Variants in NHEJ1 observed in about 807,000 individuals in gnomAD.
NHEJ1 encodes non-homologous end-joining factor 1.
NHEJ1 carries 22 observed loss-of-function variants against 39.4 expected under a neutral mutation model. The ratio of observed to expected loss-of-function variants is 0.56; its 90% CI spans 0.40 to 0.80. The LOEUF (loss-of-function observed/expected upper bound fraction) is 0.80, where lower values mean the gene tolerates loss of function less well. NHEJ1 is among the 30% of genes least tolerant of loss of function. NHEJ1 has a pLI of 0.00. For synonymous variants in NHEJ1, 154 were observed against 135.6 expected (o/e 1.14, Z -0.94); for missense variants, 329 against 357.1 (o/e 0.92, Z 0.63).
At chr2:219,157,420 T>C (rs1661483374) in intron 3 of NHEJ1, 52 bp downstream of exon 3, 4 of 1,515,438 alleles carry the variant, frequency 2.6e-6, no homozygotes, top group Non-Finnish European at 3.7e-6. Flanking sequence ...TAAAGCTTCC[T>C]CTCAAAGCAA....
Position 219,111,204 on chromosome 2 carries a change from T to C in NHEJ1, c.589-32998A>G, listed in dbSNP as rs1949362458. Among the ~76,000 whole-genome samples, 1 of 152,310 alleles carries C rather than the reference T, an allele frequency of 6.6e-6. No individual in the cohort carries two copies. The highest frequency in any genetic ancestry group is 1.5e-5 in the Non-Finnish European group (1 of 68,018). ...TCGTGATACCCAGACCAATGCTCTA[T>C]TATTCATAAAAGCATAGACTACTAA... is the stretch of plus-strand genomic sequence containing the variant. On this transcript the variant is annotated intron_variant, in intron 5 of 7. Transcript: ENST00000356853. The surrounding 1 kb of genome is among the most constrained non-coding windows in gnomAD (Gnocchi z 4.1).
chr2:219,100,060 C>T (rs909379197), intron 5 of NHEJ1, among the ~76,000 whole-genome samples: 1 of 151,926 alleles, frequency 6.6e-6, no homozygotes, highest in Non-Finnish European at 1.5e-5. Context: ...AGGAAGCCTT[C>T]GGTTATTATG....
At chr2:219,121,097 G>A (rs1319372384) in intron 5 of NHEJ1, among the ~76,000 whole-genome samples, 5 of 151,934 alleles carry the variant, frequency 3.3e-5, no homozygotes, top group African/African-American at 9.7e-5. Flanking sequence ...TCCCAGCTAC[G>A]TGGGAGGCTA....
chr2:219,128,992 A>G (rs893757365), intron 5 of NHEJ1, among the ~76,000 whole-genome samples: 1 of 152,220 alleles, frequency 6.6e-6, no homozygotes, highest in African/African-American at 2.4e-5. Context: ...CCTTCCCTAG[A>G]GTTGTAGGTA....
At position 219,083,257 on chromosome 2, in the gene NHEJ1, C is replaced by T. The variant is rs78688308; in HGVS notation, c.589-5051G>A. On this transcript the variant is annotated intron_variant, in intron 5 of 7. Transcript: ENST00000356853. ...TATACTCTGTGAAATGGTACTATTA[C>T]CATCCAAATGAAATCCCTAAATCAA... Among the ~76,000 whole-genome samples, 141 of 152,178 alleles carry T rather than the reference C, an allele frequency of 9.3e-4. 1 individual carries two copies. The East Asian group carries it at 0.025, about 27-fold the overall frequency.
At chr2:219,143,852 C>T (rs753396708) in intron 5 of NHEJ1, among the ~76,000 whole-genome samples, 1 of 152,168 alleles carries the variant, frequency 6.6e-6, no homozygotes, top group African/African-American at 2.4e-5. Context: ...AGTGATTTAT[C>T]CAAAGCTGCA....
Position 219,112,507 on chromosome 2 carries a change from G to T in NHEJ1, c.588+34173C>A, listed in dbSNP as rs553229300. 1.9e-3 allele frequency among the ~76,000 whole-genome samples: 282 copies of T among 152,292 alleles called. 2 individuals are homozygous for T. Among genetic ancestry groups the T allele is most frequent in the Non-Finnish European group, 1.5e-3 (105 of 68,022 alleles). The stretch of plus-strand genomic sequence containing the variant: ...TCTCCAGGAACAAAGTCAAGGGCTA[G>T]AAAGGAGAGCTTGACCTTGCCTTGA... On this transcript the variant is annotated intron_variant, in intron 5 of 7. Coordinates refer to ENST00000356853, the MANE Select transcript of NHEJ1 (RefSeq NM_024782.3).
At chr2:219,157,991 TCACACACACACACACACACACACACACA>T (rs58103413) in intron 2 of NHEJ1, among the ~76,000 whole-genome samples, 167 bp downstream of exon 2, 2 of 99,176 alleles carry the variant, frequency 2.0e-5, no homozygotes, top group Non-Finnish European at 4.7e-5. Context: ...TCTCTCTCTC[TCACACACACACACACACACACACACACA>T]CACACACACA....
At chr2:219,099,201 G>C (rs968103139) in intron 5 of NHEJ1, among the ~76,000 whole-genome samples, 1 of 152,208 alleles carries the variant, frequency 6.6e-6, no homozygotes, top group Admixed American at 6.5e-5. Flanking sequence ...CTCTAGAACA[G>C]AGCTTCTCAA....
intron 4 of NHEJ1, 24 bp downstream of exon 4, chr2:219,147,633 A>G (rs148337310): frequency 3.5e-4 from 558 of 1,613,648 alleles, no homozygotes; most frequent in South Asian, 6.0e-4. Context: ...GCCCCACCCA[A>G]CTCCTCCAAG....
chr2:219,129,051 C>T (rs1284558024), intron 5 of NHEJ1, among the ~76,000 whole-genome samples: 5 of 152,148 alleles, frequency 3.3e-5, no homozygotes, highest in Non-Finnish European at 5.9e-5. Context: ...GTATGCTGTA[C>T]CAAACTAAAT....
chr2:219,092,151 T>A (rs1424699329), intron 5 of NHEJ1, among the ~76,000 whole-genome samples: 4 of 152,040 alleles, frequency 2.6e-5, no homozygotes, highest in Non-Finnish European at 5.9e-5. Context: ...CTTAGCCAGG[T>A]GTAGTGAGTG....
At chr2:219,137,595 A>AAAAAAAAAAAAAAAAAAAAAAAAAAAC (rs143557047) in intron 5 of NHEJ1, among the ~76,000 whole-genome samples, 4 of 82,778 alleles carry the variant, frequency 4.8e-5, no homozygotes, top group Non-Finnish European at 1.2e-4. Flanking sequence ...AAAAAAAACA[A>AAAAAAAAAAAAAAAAAAAAAAAAAAAC]AAAAAACTGA....
rs540047405 is a variant in NHEJ1 at position 219,072,353 on chromosome 2, G to T, written c.*4028C>A. 8.5e-5 allele frequency among the ~76,000 whole-genome samples: 13 copies of T among 152,250 alleles called. No individual in the cohort carries two copies. In the East Asian group the frequency reaches 2.5e-3, roughly 29 times the overall value. ...GCCTAGTGTAATCCATTACAATTTT[G>T]CTAGCCCATACATTTATGGATATTA... On this transcript the variant is annotated 3_prime_UTR_variant, in exon 8 of 8. Coordinates refer to ENST00000356853, the MANE Select transcript of NHEJ1 (RefSeq NM_024782.3).
At chr2:219,080,646 T>C (rs1159159353) in intron 5 of NHEJ1, among the ~76,000 whole-genome samples, 3 of 117,424 alleles carry the variant, frequency 2.6e-5, no homozygotes, top group Non-Finnish European at 5.1e-5. Flanking sequence ...TAAGCTTATA[T>C]ATATGCTAAT....
At chr2:219,126,777 T>C (rs1270643077) in intron 5 of NHEJ1, among the ~76,000 whole-genome samples, 1 of 152,204 alleles carries the variant, frequency 6.6e-6, no homozygotes, top group Non-Finnish European at 1.5e-5. Flanking sequence ...CCAGGGAGAA[T>C]TCCCTAGAGG....
At chr2:219,153,986 C>A (rs1335169577) in intron 3 of NHEJ1, among the ~76,000 whole-genome samples, 1 of 152,164 alleles carries the variant, frequency 6.6e-6, no homozygotes, top group Non-Finnish European at 1.5e-5. Flanking sequence ...CACACATTTA[C>A]ATGCAGGAAA....
intron 5 of NHEJ1, among the ~76,000 whole-genome samples, chr2:219,097,567 T>G (rs1949220221): frequency 1.3e-5 from 2 of 152,216 alleles, no homozygotes; most frequent in South Asian, 2.1e-4. Context: ...ACTACCCATG[T>G]GCTCCGCTAT....
rs1207561042 is a variant in NHEJ1 at position 219,070,422 on chromosome 2, C to T, written c.*5959G>A. 6.6e-6 allele frequency among the ~76,000 whole-genome samples: 1 copy of T among 152,212 alleles called. No individual in the cohort carries two copies. Among genetic ancestry groups the T allele is most frequent in the Admixed American group, 6.5e-5 (1 of 15,284 alleles). ...GGCCAGGCTGGTCTCAAATTCCTGA[C>T]CTCAGGTGATCCACCTGCCTCAGCC... is the stretch of plus-strand genomic sequence containing the variant. On this transcript the variant is annotated 3_prime_UTR_variant, in exon 8 of 8. Coordinates refer to ENST00000356853, the MANE Select transcript of NHEJ1 (RefSeq NM_024782.3).
Sources: allele counts gnomAD v4.1 joint callset (sites outside exome capture counted in the v4.1 genomes callset), GRCh38; gene constraint gnomAD v4.1.1; non-coding constraint Gnocchi (gnomAD v3.1); transcripts MANE v1.5; gene names NCBI Gene and HGNC (gene_info 2026-07-23, HGNC 2026-07-21).